Variants in NUP155 observed in about 807,000 individuals in gnomAD.
NUP155 encodes the protein nucleoporin 155, also known as nuclear pore complex protein Nup155.
A neutral mutation model predicts 180.4 loss-of-function variants in NUP155; 71 were observed. The observed-to-expected ratio is 0.39, with a 90% CI of 0.33 to 0.48. NUP155 has a LOEUF of 0.48. NUP155 is among the 20% of genes least tolerant of loss of function. The pLI, the probability that NUP155 is intolerant of heterozygous loss-of-function variation, is 0.91. For missense variants in NUP155, 1,553 were observed against 1,648.9 expected, an observed-to-expected ratio of 0.94 and a Z score of 1.01; for synonymous variants, 582 against 559.5, an observed-to-expected ratio of 1.04 and a Z score of -0.57.
At chr5:37,294,180 A>G in intron 33 of NUP155, 149 bp downstream of exon 33, 1 of 588,072 alleles carries the variant, frequency 1.7e-6, no homozygotes, top group Non-Finnish European at 3.0e-6. Flanking sequence ...ATCAGTTTAA[A>G]AAGTCAAAAG....
Position 37,309,076 on chromosome 5 carries a change from ATTGT to A in NUP155, c.2767+49_2767+52del. 5 of 1,583,014 alleles carry A rather than the reference ATTGT, an allele frequency of 3.2e-6. 1 individual carries two copies. In the South Asian group the frequency reaches 3.3e-5, roughly 11 times the overall value. ...CATTAGCTTGCTTCATTCATACACT[ATTGT>A]TTGTCTTTTGAGTTGAGTAAAAGAT... On this transcript the variant is annotated intron_variant, in intron 24 of 34. Coordinates refer to ENST00000231498, the MANE Select transcript of NUP155 (RefSeq NM_153485.3).
intron 12 of NUP155, among the ~76,000 whole-genome samples, chr5:37,335,682 G>A (rs983447703): frequency 6.6e-6 from 1 of 152,080 alleles, no homozygotes. Flanking sequence ...GGACGACACG[G>A]CTTACACCTG....
At chr5:37,327,143 C>A in intron 18 of NUP155, 1 of 181,124 alleles carries the variant, frequency 5.5e-6, no homozygotes. Context: ...ATCAGTGTTA[C>A]GGCTGTTTTA....
At chr5:37,338,548 G>A (rs1581180791) in intron 11 of NUP155, among the ~76,000 whole-genome samples, 2 of 151,150 alleles carry the variant, frequency 1.3e-5, no homozygotes, top group Admixed American at 1.3e-4. Flanking sequence ...CTGGGACTAC[G>A]GCACCTGCCA....
Position 37,339,647 on chromosome 5 carries a change from GAA to G in NUP155, c.1246+1441_1246+1442del, listed in dbSNP as rs1365379367. ...TTCCTCCCCACCCTCAAATGACTTG[GAA>G]AAATATTCTGTATTCATGGATTTGA... is the stretch of plus-strand genomic sequence containing the variant. On this transcript the variant is annotated intron_variant, in intron 11 of 34. Coordinates refer to ENST00000231498, the MANE Select transcript of NUP155 (RefSeq NM_153485.3). Among the ~76,000 whole-genome samples the G allele has an allele frequency of 2.0e-5, 3 of 152,204 alleles. No homozygotes were observed. In the East Asian group the frequency reaches 5.8e-4, roughly 29 times the overall value.
intron 21 of NUP155, among the ~76,000 whole-genome samples, chr5:37,317,208 G>C (rs1743948522): frequency 6.6e-6 from 1 of 151,040 alleles, no homozygotes; most frequent in East Asian, 2.0e-4. Flanking sequence ...TAAAAATGGG[G>C]CTGGGCACGG....
intron 9 of NUP155, among the ~76,000 whole-genome samples, chr5:37,343,418 G>A (rs368368191): frequency 2.5e-4 from 38 of 152,160 alleles, no homozygotes; most frequent in South Asian, 1.0e-3. Flanking sequence ...TAGCTTCTTA[G>A]GAAAGTAATA....
rs1349550756 is a variant in NUP155 at position 37,325,888 on chromosome 5, T to C, written c.2091+13A>G. The C allele has an allele frequency of 6.5e-7, 1 of 1,545,824 alleles. No individual in the cohort carries two copies. The highest frequency in any genetic ancestry group is 1.4e-5 in the African/African-American group (1 of 73,616). On this transcript the variant is annotated intron_variant, in intron 19 of 34. Coordinates refer to ENST00000231498, the MANE Select transcript of NUP155 (RefSeq NM_153485.3). ...CTACACAAAAATAACAAAATAATAT[T>C]ATACACACTTACTGCAGTGATCTCT...
intron 32 of NUP155, among the ~76,000 whole-genome samples, chr5:37,295,179 T>C (rs1742461414): frequency 6.6e-6 from 1 of 152,150 alleles, no homozygotes; most frequent in Non-Finnish European, 1.5e-5. Context: ...GCCGAGTGCC[T>C]GCGATTGCAG....
intron 9 of NUP155, among the ~76,000 whole-genome samples, chr5:37,347,867 T>A (rs1395992546): frequency 6.6e-6 from 1 of 152,002 alleles, no homozygotes; most frequent in African/African-American, 2.4e-5. Flanking sequence ...CTGGGCATGG[T>A]GGCTCATGCC....
intron 1 of NUP155, 105 bp from the exon 2 acceptor site, chr5:37,364,489 T>C: frequency 2.1e-6 from 2 of 940,354 alleles, no homozygotes; most frequent in Non-Finnish European, 3.4e-6. Context: ...GTTCCAAAGG[T>C]ACAGAGAGAA....
At chr5:37,338,222 G>A (rs1481830433) in intron 11 of NUP155, among the ~76,000 whole-genome samples, 1 of 150,268 alleles carries the variant, frequency 6.7e-6, no homozygotes, top group African/African-American at 2.5e-5. Context: ...GGAGGCTGAG[G>A]CAGGAGAATG....
intron 15 of NUP155, 148 bp from the exon 16 acceptor site, chr5:37,329,426 C>A: frequency 7.6e-6 from 5 of 656,236 alleles, no homozygotes; most frequent in Non-Finnish European, 1.4e-5. Flanking sequence ...AAAGTATATG[C>A]ATAAGACTTA....
intron 21 of NUP155, among the ~76,000 whole-genome samples, chr5:37,316,344 T>A (rs1236068886): frequency 6.6e-6 from 1 of 152,144 alleles, no homozygotes; most frequent in Non-Finnish European, 1.5e-5. Flanking sequence ...TTTGATTTCA[T>A]CCTAATAGGG....
At chr5:37,308,495 G>A (rs1178322646) in intron 24 of NUP155, among the ~76,000 whole-genome samples, 1 of 152,024 alleles carries the variant, frequency 6.6e-6, no homozygotes, top group African/African-American at 2.4e-5. Context: ...TCAGGAGATT[G>A]AGACCATCCT....
chr5:37,327,695 G>C lies in NUP155; in HGVS notation c.1958C>G (p.Thr653Ser), dbSNP rs1561787534. ...TCCAGAGTACACAATCTCTGGTCCA[G>C]TCACACAACTCATATTTGTGGCCTG... ...ATQATNMSCV[T>S]GPEIVYSGKH... Residue 653 changes from threonine to serine, a missense_variant, in exon 18 of 35, where the codon ACT (threonine) becomes AGT (serine). Thr to Ser is a moderately conservative substitution (Grantham distance 58). Transcript: ENST00000231498. 41 of 1,614,118 alleles carry C rather than the reference G, an allele frequency of 2.5e-5. No individual in the cohort carries two copies. The highest frequency in any genetic ancestry group is 3.3e-5 in the Non-Finnish European group (39 of 1,179,982).
intron 9 of NUP155, among the ~76,000 whole-genome samples, chr5:37,342,916 T>C (rs1745828512): frequency 6.6e-6 from 1 of 152,070 alleles, no homozygotes; most frequent in South Asian, 2.1e-4. Context: ...TTTGTGTTGT[T>C]AGTAGAGACA....
At chr5:37,357,643 C>T (rs940008161) in intron 4 of NUP155, among the ~76,000 whole-genome samples, 3 of 152,150 alleles carry the variant, frequency 2.0e-5, no homozygotes, top group African/African-American at 7.2e-5. Context: ...AATCACTTTA[C>T]ATATTTCTAA....
intron 1 of NUP155, 109 bp from the exon 2 acceptor site, chr5:37,364,493 G>T: frequency 1.1e-6 from 1 of 910,882 alleles, no homozygotes; most frequent in Non-Finnish European, 1.8e-6. Context: ...CAAAGGTACA[G>T]AGAGAATATT....
Sources: gnomAD v4.1 joint callset for allele counts (sites outside exome capture counted in the v4.1 genomes callset) on GRCh38, gnomAD v4.1.1 for gene constraint, MANE v1.5 for transcripts, NCBI Gene and HGNC (gene_info 2026-07-23, HGNC 2026-07-21) for gene names.